The following ASCC3 variants were observed in gnomAD, a reference collection of about 807,000 sequenced individuals.
The protein encoded by ASCC3 is ASC-1 complex subunit P200.
A neutral mutation model predicts 256.3 loss-of-function variants in ASCC3; 158 were observed. That is an observed-to-expected ratio of 0.62 (90% CI 0.54 to 0.70). ASCC3 has a LOEUF of 0.70. Among genes scored for constraint, ASCC3 ranks in the 30% least tolerant of loss-of-function variants. The pLI, the probability that ASCC3 is intolerant of heterozygous loss-of-function variation, is 0.00. For synonymous variants in ASCC3, 948 were observed against 883.4 expected, an observed-to-expected ratio of 1.07 and a Z score of -1.30; for missense variants, 2,259 against 2,626.0, an observed-to-expected ratio of 0.86 and a Z score of 3.05.
intron 10 of ASCC3, among the ~76,000 whole-genome samples, chr6:100,736,411 G>A (rs1470725361): frequency 6.6e-6 from 1 of 151,912 alleles, no homozygotes; most frequent in African/African-American, 2.4e-5. Context: ...TGAGGCAGGA[G>A]AATCGCTTGA....
At chr6:100,825,317 A>G (rs1418573930) in intron 4 of ASCC3, among the ~76,000 whole-genome samples, 1 of 150,426 alleles carries the variant, frequency 6.6e-6, no homozygotes, top group Non-Finnish European at 1.5e-5. Context: ...AAAAGCAGAT[A>G]ATGTCAAGTA....
intron 5 of ASCC3, among the ~76,000 whole-genome samples, chr6:100,803,902 C>A (rs527375557): frequency 2.6e-5 from 4 of 152,114 alleles, no homozygotes; most frequent in East Asian, 3.9e-4. Context: ...AAATTTCTTA[C>A]GCTCATATAC....
At chr6:100,769,237 A>T (rs1582835585) in intron 8 of ASCC3, among the ~76,000 whole-genome samples, 1 of 152,154 alleles carries the variant, frequency 6.6e-6, no homozygotes, top group Middle Eastern at 3.4e-3. Flanking sequence ...GAAGAAAAGC[A>T]TGGGGAAAGG....
chr6:100,765,384 A>G (rs1037493137), intron 10 of ASCC3, among the ~76,000 whole-genome samples: 1 of 152,306 alleles, frequency 6.6e-6, no homozygotes, highest in Admixed American at 6.5e-5. Flanking sequence ...TACTGATAGA[A>G]CAGACTTTTT....
chr6:100,768,169 T>C (rs1262784083), intron 8 of ASCC3, among the ~76,000 whole-genome samples: 2 of 151,968 alleles, frequency 1.3e-5, no homozygotes, highest in Non-Finnish European at 2.9e-5. Flanking sequence ...ACAAAAGCCA[T>C]AGACTACACT....
intron 4 of ASCC3, among the ~76,000 whole-genome samples, chr6:100,840,949 A>G (rs1772115207): frequency 6.6e-6 from 1 of 152,098 alleles, no homozygotes; most frequent in Admixed American, 6.5e-5. Flanking sequence ...AAAAAAAAAG[A>G]GAAAAAATTG....
intron 10 of ASCC3, among the ~76,000 whole-genome samples, chr6:100,745,309 A>C (rs1437379622): frequency 6.6e-6 from 1 of 151,896 alleles, no homozygotes; most frequent in Admixed American, 6.6e-5. Context: ...CCTGGGTGAC[A>C]GAGCGAGACT....
intron 8 of ASCC3, among the ~76,000 whole-genome samples, chr6:100,796,964 T>C (rs1299556597): frequency 6.6e-6 from 1 of 152,078 alleles, no homozygotes; most frequent in East Asian, 1.9e-4. Context: ...TCTGTGAATA[T>C]ATTAGATTAC....
chr6:100,573,216 C>G (rs1031186900), intron 36 of ASCC3, among the ~76,000 whole-genome samples: 1 of 152,006 alleles, frequency 6.6e-6, no homozygotes, highest in Non-Finnish European at 1.5e-5. Flanking sequence ...TACTGGGCTG[C>G]TTTCTGAGGA....
chr6:100,602,293 CA>C (rs1048995182), intron 33 of ASCC3, among the ~76,000 whole-genome samples: 13 of 151,922 alleles, frequency 8.6e-5, no homozygotes, highest in Non-Finnish European at 1.5e-5. Context: ...TAGAATGTCA[CA>C]AAAGTACTAT....
chr6:100,771,131 T>C (rs1024590823), intron 8 of ASCC3, among the ~76,000 whole-genome samples: 7 of 152,070 alleles, frequency 4.6e-5, no homozygotes, highest in Admixed American at 1.3e-4. Flanking sequence ...AATCCACACA[T>C]ATTTGGACAA....
At position 100,836,759 on chromosome 6, in the gene ASCC3, C is replaced by G. The variant is rs114209472; in HGVS notation, c.801+11389G>C. On this transcript the variant is annotated intron_variant, in intron 4 of 41. Transcript: ENST00000369162. Reference sequence around the variant, plus strand: ...TATCAGGATAGTGCTTAGCCTGTAGCATGACTTTGGAAGTATCCACTCCTC... The same window carrying G: ...TATCAGGATAGTGCTTAGCCTGTAGGATGACTTTGGAAGTATCCACTCCTC... Among the ~76,000 whole-genome samples the G allele has an allele frequency of 6.4e-3, 967 of 152,094 alleles. 14 individuals are homozygous for G. Among genetic ancestry groups the G allele is most frequent in the African/African-American group, 0.022 (916 of 41,520 alleles).
intron 4 of ASCC3, among the ~76,000 whole-genome samples, chr6:100,846,872 A>C (rs1236490226): frequency 1.3e-5 from 2 of 151,184 alleles, no homozygotes; most frequent in African/African-American, 4.8e-5. Context: ...ATTTCAGTAC[A>C]GTTACTTGTT....
Position 100,627,631 on chromosome 6 carries a change from T to C in ASCC3, c.4601A>G (p.Tyr1534Cys), listed in dbSNP as rs1399400312. 6.2e-7 allele frequency: 1 copy of C among 1,613,592 alleles called. No individual in the cohort carries two copies. Among genetic ancestry groups the C allele is most frequent in the Non-Finnish European group, 8.5e-7 (1 of 1,179,742 alleles). Reference protein sequence around the residue: ...VHIQGFPGQHYCPRMASMNKP... With the variant: ...VHIQGFPGQHCCPRMASMNKP... ...GTTCATACTAGCCATACGAGGACAG[T>C]AATGTTGACCTGGAAAGCCTTGAAT... The change falls in exon 29 of 42, where the codon TAC becomes TGC. Residue 1534 changes from tyrosine to cysteine, a missense_variant. Physicochemically the swap from Tyr to Cys is radical, Grantham distance 194 (BLOSUM62 -2). This residue lies in a region of ASCC3 where 1,839 missense variants were observed against 2,206.7 expected (regional missense o/e 0.83). Transcript: ENST00000369162.
At chr6:100,819,273 C>T (rs140817109) in intron 4 of ASCC3, among the ~76,000 whole-genome samples, 1,773 of 152,088 alleles carry the variant, frequency 0.012, 16 homozygotes, top group Middle Eastern at 0.024. Flanking sequence ...ATGTATCAAA[C>T]CTACACGTTG....
chr6:100,867,659 CA>C (rs997373851), intron 2 of ASCC3, among the ~76,000 whole-genome samples: 12 of 146,544 alleles, frequency 8.2e-5, no homozygotes, highest in Admixed American at 1.4e-4. Flanking sequence ...GGGAGCTGAA[CA>C]AAAAAAAAAT....
At chr6:100,607,225 G>T in intron 30 of ASCC3, 137 bp from the exon 31 acceptor site, 1 of 891,184 alleles carries the variant, frequency 1.1e-6, no homozygotes, top group Non-Finnish European at 1.7e-6. Context: ...ATACAGTTAT[G>T]ATTAAAGTTC....
At chr6:100,562,283 G>C (rs1033381006) in intron 36 of ASCC3, among the ~76,000 whole-genome samples, 1 of 152,066 alleles carries the variant, frequency 6.6e-6, no homozygotes, top group African/African-American at 2.4e-5. Flanking sequence ...CATAGTATGA[G>C]AATGAAGCAT....
intron 10 of ASCC3, among the ~76,000 whole-genome samples, chr6:100,742,204 A>C (rs1780468729): frequency 6.6e-6 from 1 of 152,146 alleles, no homozygotes; most frequent in South Asian, 2.1e-4. Context: ...CCAGCAGTGA[A>C]GACTATGAAA....
Sources: gnomAD v4.1 joint callset for allele counts (sites outside exome capture counted in the v4.1 genomes callset) on GRCh38, gnomAD v4.1.1 for gene constraint, gnomAD v4.1.1 regional missense constraint, MANE v1.5 for transcripts, NCBI Gene and HGNC (gene_info 2026-07-23, HGNC 2026-07-21) for gene names.